A4GALT: variants seen among roughly 807,000 people sequenced by gnomAD.
A4GALT encodes lactosylceramide 4-alpha-galactosyltransferase.
For synonymous variants in A4GALT, 257 were observed against 220.7 expected (o/e 1.16, Z -1.46); for missense variants, 512 against 486.0 (o/e 1.05, Z -0.50).
intron 1 of A4GALT, among the ~76,000 whole-genome samples, chr22:42,697,814 T>C (rs919082672): frequency 3.9e-5 from 6 of 151,984 alleles, no homozygotes; most frequent in Non-Finnish European, 7.4e-5. Context: ...GCCTCCAGGC[T>C]CACTACTTCC....
intron 1 of A4GALT, among the ~76,000 whole-genome samples, chr22:42,698,666 C>T (rs9620081): frequency 1.3e-5 from 2 of 152,144 alleles, no homozygotes; most frequent in African/African-American, 4.8e-5. Context: ...GTGTCAGAGG[C>T]GTGTGAGCCA....
rs1224572593 is a variant in A4GALT, at chr22:42,720,812, CGGCG to C, written c.-207_-204del. On this transcript the variant is annotated 5_prime_UTR_variant, in exon 1 of 3. Transcript: ENST00000642412. Reference sequence around the variant, plus strand: ...CCCCTCGTACCTCTAGCTCCAGCGGCGGCGGGCGGCGGACAGCGGGGCCCCGGCG... The same window carrying C: ...CCCCTCGTACCTCTAGCTCCAGCGGCGGCGGCGGACAGCGGGGCCCCGGCG... The C allele has an allele frequency of 4.1e-5, 4 of 97,500 alleles. No homozygotes were observed. Among genetic ancestry groups the C allele is most frequent in the African/African-American group, 1.1e-4 (4 of 36,866 alleles). The allele number at this position is 97,500 out of a possible 1,614,324, so 6.0% of individuals were successfully genotyped here.
intron 1 of A4GALT, among the ~76,000 whole-genome samples, chr22:42,715,855 GGAGT>G (rs1922129082): frequency 2.6e-5 from 1 of 38,858 alleles, no homozygotes. Flanking sequence ...TTTTTGAGAT[GGAGT>G]TTCGCTCTTT....
chr22:42,706,354 CA>C (rs1164664187), intron 1 of A4GALT, among the ~76,000 whole-genome samples: 27,990 of 83,246 alleles, frequency 0.34, 2,974 homozygotes, highest in Middle Eastern at 0.49. Context: ...GACTCCATCC[CA>C]AAAAAAAAAA....
Position 42,692,551 on chromosome 22 carries a change from G to A in A4GALT, c.*339C>T. Reference sequence around the variant, plus strand: ...CCCCATCCCCTTAGCACCGGCCTCTGCCCTCGTGGGCACCTCTGTCCCAAC... The same window carrying A: ...CCCCATCCCCTTAGCACCGGCCTCTACCCTCGTGGGCACCTCTGTCCCAAC... On this transcript the variant is annotated 3_prime_UTR_variant, in exon 3 of 3. Coordinates refer to ENST00000642412, the MANE Select transcript of A4GALT (RefSeq NM_017436.7). This position sits in a 1 kb window ranked among gnomAD's most constrained non-coding sequence, Gnocchi z 4.6. 4.3e-6 allele frequency: 2 copies of A among 460,548 alleles called. No individual in the cohort carries two copies. Among genetic ancestry groups the A allele is most frequent in the East Asian group, 5.3e-5 (1 of 18,958 alleles). The allele number at this position is 460,548 out of a possible 1,614,324, so 28.5% of individuals were successfully genotyped here.
At chr22:42,713,179 T>C (rs894020136) in intron 1 of A4GALT, among the ~76,000 whole-genome samples, 2 of 152,182 alleles carry the variant, frequency 1.3e-5, no homozygotes, top group African/African-American at 4.8e-5. Context: ...ACCACCTCTG[T>C]CCATTCCATC....
chr22:42,705,005 G>T (rs1013922898), intron 1 of A4GALT, among the ~76,000 whole-genome samples: 2 of 152,170 alleles, frequency 1.3e-5, no homozygotes, highest in Admixed American at 1.3e-4. Context: ...AGGGCTGGAG[G>T]CAAGTGACCT....
chr22:42,709,577 G>C (rs988403800), intron 1 of A4GALT, among the ~76,000 whole-genome samples: 19 of 151,968 alleles, frequency 1.3e-4, no homozygotes, highest in Non-Finnish European at 2.6e-4. Context: ...ATCACTTGAG[G>C]ACAGGAGTTT....
chr22:42,700,310 T>C lies in A4GALT; in HGVS notation c.-187-4679A>G, dbSNP rs570651229. On this transcript the variant is annotated intron_variant, in intron 1 of 2. Transcript: ENST00000642412. ...CAACAGATACTGATGAGATGAGGAA[T>C]GGCCCTCCAGGAGAGCCAGAGGCTA... Among the ~76,000 whole-genome samples the C allele has an allele frequency of 3.9e-5, 6 of 152,338 alleles. No individual in the cohort carries two copies. The East Asian group carries it at 1.2e-3, about 29-fold the overall frequency.
intron 1 of A4GALT, among the ~76,000 whole-genome samples, chr22:42,713,742 G>A (rs1363890932): frequency 6.6e-6 from 1 of 151,522 alleles, no homozygotes; most frequent in Admixed American, 6.6e-5. Context: ...GACCCAGGAG[G>A]TGGCGGTTGC....
At chr22:42,718,397 G>C (rs1922382821) in intron 1 of A4GALT, 1 of 152,196 alleles carries the variant, frequency 6.6e-6, no homozygotes, top group Non-Finnish European at 1.5e-5. Flanking sequence ...GAGTAGCTGG[G>C]ATTGCAGGCA....
In A4GALT at chr22:42,693,070, C is replaced by T; in HGVS notation, c.882G>A (p.Lys294=). ...FYPIPWQDWK[K]YFEDINPEEL... is the part of the protein sequence containing the mutation. ...CCTCGGGGTTGATGTCCTCAAAGTACTTCTTCCAGTCCTGCCAGGGGATGG... is the reference window on the plus strand; with the variant it reads ...CCTCGGGGTTGATGTCCTCAAAGTATTTCTTCCAGTCCTGCCAGGGGATGG... The change falls in exon 3 of 3, where the codon AAG becomes AAA. Residue 294 remains lysine (K), a synonymous_variant. Coordinates refer to ENST00000642412, the MANE Select transcript of A4GALT (RefSeq NM_017436.7). The T allele has an allele frequency of 6.2e-7, 1 of 1,612,588 alleles. No individual in the cohort carries two copies.
intron 1 of A4GALT, among the ~76,000 whole-genome samples, chr22:42,697,166 G>A (rs74516724): frequency 0.019 from 2,896 of 152,272 alleles, 86 homozygotes; most frequent in African/African-American, 0.066. Flanking sequence ...GATTCCATGA[G>A]TTAACCAATG....
intron 1 of A4GALT, among the ~76,000 whole-genome samples, chr22:42,701,302 C>A (rs890761997): frequency 6.6e-6 from 1 of 152,218 alleles, no homozygotes; most frequent in Non-Finnish European, 1.5e-5. Flanking sequence ...GTAACACCAG[C>A]ACCCAGGACA....
intron 1 of A4GALT, among the ~76,000 whole-genome samples, chr22:42,703,105 A>AATGT (rs1569047952): frequency 2.7e-4 from 7 of 25,598 alleles, no homozygotes; most frequent in Non-Finnish European, 3.5e-4. Context: ...ATGCTGCCCC[A>AATGT]CTGTGTGTGT....
intron 1 of A4GALT, among the ~76,000 whole-genome samples, chr22:42,710,679 A>G (rs1191953754): frequency 3.3e-5 from 5 of 150,712 alleles, no homozygotes; most frequent in African/African-American, 9.8e-5. Flanking sequence ...CCTGGGCAAC[A>G]GAGCAAGACT....
chr22:42,719,567 G>A (rs1425515640), intron 1 of A4GALT, among the ~76,000 whole-genome samples: 1 of 152,066 alleles, frequency 6.6e-6, no homozygotes, highest in Non-Finnish European at 1.5e-5. Flanking sequence ...CTCTTTTGGG[G>A]GGTTGCAGCT....
At chr22:42,700,294 C>G (rs1003070713) in intron 1 of A4GALT, among the ~76,000 whole-genome samples, 1 of 152,232 alleles carries the variant, frequency 6.6e-6, no homozygotes, top group Non-Finnish European at 1.5e-5. Flanking sequence ...TCAACAGATA[C>G]TGATGAGATG....
In A4GALT at chr22:42,693,500, C is replaced by T. The variant is rs763428888; in HGVS notation, c.452G>A (p.Arg151Gln). The change falls in exon 3 of 3, where the codon CGG (arginine) becomes CAG (glutamine). Residue 151 changes from arginine to glutamine, a missense_variant. Transcript: ENST00000642412. ...GTACCAGTCGGCCAGGGGTGTGTCC[C>T]GGAACAGCTCCCGCAGGTCCAGCGG... ...MLPLDLRELF[R>Q]DTPLADWYAA... 9.9e-6 allele frequency: 16 copies of T among 1,613,168 alleles called. No individual in the cohort carries two copies. The highest frequency in any genetic ancestry group is 5.3e-5 in the African/African-American group (4 of 75,048).
Sources: gnomAD v4.1 joint callset for allele counts (sites outside exome capture counted in the v4.1 genomes callset) on GRCh38, gnomAD v4.1.1 for gene constraint, Gnocchi (gnomAD v3.1) non-coding constraint, MANE v1.5 for transcripts, NCBI Gene and HGNC (gene_info 2026-07-23, HGNC 2026-07-21) for gene names.